The following COL28A1 variants were observed in gnomAD, a reference collection of about 807,000 sequenced individuals.
COL28A1 encodes the protein collagen type XXVIII alpha 1 chain, also known as collagen alpha-1(XXVIII) chain.
In COL28A1, 161 loss-of-function variants were observed where a neutral mutation model predicts 150.2. That is an observed-to-expected ratio of 1.07 (90% CI 0.94 to 1.22). COL28A1 has a LOEUF of 1.22. COL28A1 is among the 50% of genes most tolerant of loss of function. The pLI is 0.00. For synonymous variants in COL28A1, 552 were observed against 469.7 expected (o/e 1.18, Z -2.26); for missense variants, 1,617 against 1,388.3 (o/e 1.16, Z -2.62).
intron 25 of COL28A1, among the ~76,000 whole-genome samples, chr7:7,427,710 C>T (rs147885803): frequency 6.6e-6 from 1 of 152,294 alleles, no homozygotes; most frequent in East Asian, 1.9e-4. Flanking sequence ...ATTTACAATA[C>T]TCAAACATTT....
chr7:7,436,452 T>C lies in COL28A1; in HGVS notation c.1803A>G (p.Gly601=). ...CCTTAAATCCAGGTATCCCAGGTCC[T>C]CCTCTATCTCCCTGTACATTTCAAA... is the stretch of plus-strand genomic sequence containing the variant. ...PGPPGPKGDR[G]GPGIPGFKGE... is the part of the protein sequence containing the mutation. The change falls in exon 23 of 35, where the codon GGA becomes GGG. Residue 601 remains glycine, a synonymous_variant. Transcript: ENST00000399429. 7.4e-7 allele frequency: 1 copy of C among 1,354,440 alleles called. No individual in the cohort carries two copies. The highest frequency in any genetic ancestry group is 1.1e-6 in the Non-Finnish European group (1 of 942,988). The allele number at this position is 1,354,440 out of a possible 1,614,324, so 83.9% of individuals were successfully genotyped here.
At chr7:7,504,010 A>T (rs531098388) in intron 11 of COL28A1, among the ~76,000 whole-genome samples, 2 of 152,312 alleles carry the variant, frequency 1.3e-5, no homozygotes, top group South Asian at 4.1e-4. Flanking sequence ...AAGTCCTCAA[A>T]TGCTTTTGGA....
At chr7:7,452,878 A>G (rs1786822662) in intron 17 of COL28A1, among the ~76,000 whole-genome samples, 1 of 152,244 alleles carries the variant, frequency 6.6e-6, no homozygotes, top group South Asian at 2.1e-4. Flanking sequence ...TAAGGTGAAT[A>G]GTCTCAGAGA....
intron 15 of COL28A1, among the ~76,000 whole-genome samples, chr7:7,463,730 A>C (rs1019903092): frequency 2.7e-4 from 41 of 152,298 alleles, no homozygotes; most frequent in Non-Finnish European, 2.6e-4. Flanking sequence ...TTAAATCATA[A>C]ATTTCACAGG....
chr7:7,517,105 T>C (rs571709950), intron 7 of COL28A1, among the ~76,000 whole-genome samples: 68 of 152,302 alleles, frequency 4.5e-4, no homozygotes, highest in African/African-American at 1.6e-3. Context: ...AAATTTCAGA[T>C]TTTTTGTTGA....
intron 15 of COL28A1, among the ~76,000 whole-genome samples, chr7:7,460,941 G>A (rs1787566365): frequency 6.6e-6 from 1 of 152,172 alleles, no homozygotes; most frequent in African/African-American, 2.4e-5. Context: ...CGGATGGAAA[G>A]AACAGCATGT....
At chr7:7,372,321 C>A (rs972997999) in intron 32 of COL28A1, among the ~76,000 whole-genome samples, 20 of 151,604 alleles carry the variant, frequency 1.3e-4, no homozygotes, top group Non-Finnish European at 2.6e-4. Context: ...ATCACTTGAA[C>A]CCGGGAAGCA....
In COL28A1 at chr7:7,432,688, G is replaced by A. The variant is rs747071568; in HGVS notation, c.1873C>T (p.Pro625Ser). The A allele has an allele frequency of 6.2e-7, 1 of 1,613,538 alleles. No individual in the cohort carries two copies. The highest frequency in any genetic ancestry group is 1.1e-5 in the South Asian group (1 of 91,050). The change falls in exon 24 of 35, where the codon CCT becomes TCT. Residue 625 changes from proline to serine, a missense_variant. By Grantham distance (74) the Pro-to-Ser change is moderately conservative (BLOSUM62 -1). Coordinates refer to ENST00000399429, the MANE Select transcript of COL28A1 (RefSeq NM_001037763.3). Reference protein sequence around the residue: ...SIRGPKGVQGPRGPVGAPGLK... With the variant: ...SIRGPKGVQGSRGPVGAPGLK... ...CCTGGAGCACCCACTGGTCCCCGAG[G>A]GCCTTGGACACCCTGGGTAAATTCC...
At chr7:7,441,875 A>C (rs1023684787) in intron 20 of COL28A1, among the ~76,000 whole-genome samples, 2 of 152,186 alleles carry the variant, frequency 1.3e-5, no homozygotes, top group African/African-American at 4.8e-5. Flanking sequence ...ACTAATGTAA[A>C]GCAGTGGCAC....
chr7:7,352,688 G>T (rs921899851), downstream of COL28A1, among the ~76,000 whole-genome samples: 4 of 152,146 alleles, frequency 2.6e-5, no homozygotes, highest in African/African-American at 9.7e-5. Context: ...ACAGCCCTAT[G>T]GACACTTTGA....
chr7:7,535,346 A>C (rs536628980), intron 1 of COL28A1, among the ~76,000 whole-genome samples: 1 of 152,284 alleles, frequency 6.6e-6, no homozygotes, highest in Admixed American at 6.5e-5. Flanking sequence ...CTTTAGTTAC[A>C]ATGTTTGCAT....
intron 21 of COL28A1, among the ~76,000 whole-genome samples, chr7:7,438,039 A>T (rs532108683): frequency 5.9e-5 from 9 of 152,146 alleles, no homozygotes; most frequent in Admixed American, 2.0e-4. Flanking sequence ...TTTTGAGGCC[A>T]GCCTGGCCAA....
chr7:7,417,998 C>A, intron 26 of COL28A1, 71 bp from the exon 27 acceptor site: 3 of 1,203,666 alleles, frequency 2.5e-6, no homozygotes, highest in South Asian at 2.6e-5. Flanking sequence ...TTAAGTATTA[C>A]TACTCTCAGC....
At chr7:7,495,955 C>A (rs1314779117) in intron 11 of COL28A1, among the ~76,000 whole-genome samples, 5 of 152,184 alleles carry the variant, frequency 3.3e-5, no homozygotes, top group Non-Finnish European at 7.3e-5. Flanking sequence ...CCCACCCCAG[C>A]AACATTGGCT....
chr7:7,398,701 C>T (rs1466197243), intron 27 of COL28A1, among the ~76,000 whole-genome samples: 1 of 152,162 alleles, frequency 6.6e-6, no homozygotes. Context: ...ATGAATGCCT[C>T]ACATGGCATT....
upstream of COL28A1, among the ~76,000 whole-genome samples, chr7:7,539,680 A>T (rs1389362684): frequency 6.6e-6 from 1 of 152,198 alleles, no homozygotes; most frequent in Non-Finnish European, 1.5e-5. Flanking sequence ...TTAAATGTGG[A>T]ACAGCGTGAC....
intron 13 of COL28A1, among the ~76,000 whole-genome samples, chr7:7,480,598 C>T (rs1406127777): frequency 6.6e-6 from 1 of 151,636 alleles, no homozygotes; most frequent in Admixed American, 6.6e-5. Flanking sequence ...TTATTTTTTC[C>T]CTAATAATAT....
intron 27 of COL28A1, among the ~76,000 whole-genome samples, chr7:7,416,203 T>G (rs1784067145): frequency 6.6e-6 from 1 of 152,202 alleles, no homozygotes; most frequent in Non-Finnish European, 1.5e-5. Flanking sequence ...TCTGATAAGA[T>G]GGGATACGTG....
At chr7:7,501,290 T>C (rs1290379012) in intron 11 of COL28A1, among the ~76,000 whole-genome samples, 3 of 152,186 alleles carry the variant, frequency 2.0e-5, no homozygotes, top group Non-Finnish European at 2.9e-5. Context: ...AAATATACAA[T>C]ACTGCAGTAT....
Sources: gnomAD v4.1 joint callset for allele counts (sites outside exome capture counted in the v4.1 genomes callset) on GRCh38, gnomAD v4.1.1 for gene constraint, MANE v1.5 for transcripts, NCBI Gene and HGNC (gene_info 2026-07-23, HGNC 2026-07-21) for gene names.